The following ERBIN variants were observed in gnomAD, a reference collection of about 807,000 sequenced individuals.
ERBIN encodes the protein erbb2 interacting protein.
In ERBIN, 60 loss-of-function variants were observed where a neutral mutation model predicts 158.4. The observed-to-expected ratio is 0.38, with a 90% confidence interval of 0.31 to 0.47. ERBIN has a LOEUF of 0.47. Among genes scored for constraint, ERBIN ranks in the 20% least tolerant of loss-of-function variants. The probability of loss-of-function intolerance (pLI) is 0.99; values close to 1 mark genes in which losing one functional copy is unlikely to be tolerated. For synonymous variants in ERBIN, 594 were observed against 557.2 expected, an observed-to-expected ratio of 1.07 and a Z score of -0.93; for missense variants, 1,610 against 1,648.0, an observed-to-expected ratio of 0.98 and a Z score of 0.40.
intron 4 of ERBIN, among the ~76,000 whole-genome samples, chr5:66,005,518 C>T (rs1753488251): frequency 6.6e-6 from 1 of 151,810 alleles, no homozygotes; most frequent in Non-Finnish European, 1.5e-5. Flanking sequence ...GCATGATTGT[C>T]AATAAAAAGA....
intron 21 of ERBIN, among the ~76,000 whole-genome samples, chr5:66,057,658 G>A (rs1561438444): frequency 6.6e-6 from 1 of 150,792 alleles, no homozygotes; most frequent in South Asian, 2.1e-4. Flanking sequence ...CCATTAACTC[G>A]TCATTTAGCA....
chr5:66,039,154 A>G (rs139343224), intron 15 of ERBIN, among the ~76,000 whole-genome samples: 62 of 152,078 alleles, frequency 4.1e-4, no homozygotes, highest in African/African-American at 1.3e-3. Context: ...GTACATAGAA[A>G]CACTGAAGAA....
rs187619364 is a variant in ERBIN, at chr5:65,994,904, C to T, written c.307+40C>T. The T allele has an allele frequency of 6.1e-6, 7 of 1,156,040 alleles. No individual in the cohort carries two copies. The African/African-American group carries it at 7.8e-5, about 13-fold the overall frequency. 71.6% of individuals were successfully genotyped at this position (1,156,040 alleles called of 1,614,324 possible). A position where few individuals can be genotyped will look rare whatever the true frequency, so the allele number is the denominator to read the frequency against. On this transcript the variant is annotated intron_variant, in intron 4 of 25. Coordinates refer to ENST00000284037, the MANE Select transcript of ERBIN (RefSeq NM_001253697.2). ...GCCCATAATTTTTTGTACTTGGGAA[C>T]ATGTTTCATTACTAAGATTTCTATT...
chr5:65,944,044 C>T (rs1446862661), intron 1 of ERBIN, among the ~76,000 whole-genome samples: 1 of 152,162 alleles, frequency 6.6e-6, no homozygotes, highest in Non-Finnish European at 1.5e-5. Flanking sequence ...ATCCATTCAT[C>T]TGTGGGTAGA....
In ERBIN at chr5:65,992,919, CT is replaced by C; in HGVS notation, c.189+15del. On this transcript the variant is annotated intron_variant, in intron 3 of 25. Coordinates refer to ENST00000284037, the MANE Select transcript of ERBIN (RefSeq NM_001253697.2). ...AAGAGCTTCCAAAGGTATGCTAATA[CT>C]TTCTTTCAAGAATTATCTTTGGTTA... 1 of 1,523,098 alleles carries C rather than the reference CT, an allele frequency of 6.6e-7. No homozygotes were observed. Among genetic ancestry groups the C allele is most frequent in the Non-Finnish European group, 8.8e-7 (1 of 1,133,258 alleles). The allele number at this position is 1,523,098 out of a possible 1,614,324, so 94.3% of individuals were successfully genotyped here.
chr5:66,049,522 AC>A (rs1292404729), intron 19 of ERBIN, among the ~76,000 whole-genome samples: 1 of 152,058 alleles, frequency 6.6e-6, no homozygotes, highest in Non-Finnish European at 1.5e-5. Context: ...TGTCACAATA[AC>A]CCCCATGATG....
intron 7 of ERBIN, among the ~76,000 whole-genome samples, chr5:66,018,567 T>TTATATATTA (rs370551332): frequency 0.06 from 592 of 9,910 alleles, 220 homozygotes; most frequent in Non-Finnish European, 0.14. Context: ...ATAATATATA[T>TTATATATTA]TATATTATAT....
chr5:65,953,319 T>G (rs1341396278), intron 1 of ERBIN, among the ~76,000 whole-genome samples: 1 of 152,222 alleles, frequency 6.6e-6, no homozygotes, highest in East Asian at 1.9e-4. Flanking sequence ...TTGAGGGCTG[T>G]TTGGGCAGAT....
In ERBIN at chr5:66,034,506, T is replaced by C. The variant is rs530772933; in HGVS notation, c.1207-3877T>C. ...TTCACCATGTTGGCCAGGCTGTTAT[T>C]GAACTCCTGACTTCATGTGATCCAC... is the stretch of plus-strand genomic sequence containing the variant. On this transcript the variant is annotated intron_variant, in intron 14 of 25. Coordinates refer to ENST00000284037, the MANE Select transcript of ERBIN (RefSeq NM_001253697.2). 2.0e-5 allele frequency among the ~76,000 whole-genome samples: 3 copies of C among 152,122 alleles called. No homozygotes were observed. The East Asian group carries it at 5.8e-4, about 29-fold the overall frequency.
intron 1 of ERBIN, among the ~76,000 whole-genome samples, chr5:65,980,675 C>T (rs1000033256): frequency 6.6e-6 from 1 of 151,746 alleles, no homozygotes; most frequent in Admixed American, 6.6e-5. Flanking sequence ...GCTCCTATGA[C>T]TATCGTGACA....
intron 15 of ERBIN, among the ~76,000 whole-genome samples, chr5:66,041,243 T>C (rs1757891352): frequency 6.6e-6 from 1 of 151,940 alleles, no homozygotes; most frequent in Non-Finnish European, 1.5e-5. Context: ...AATTGAGTGA[T>C]TTGGAAGAAC....
intron 4 of ERBIN, among the ~76,000 whole-genome samples, chr5:66,006,530 A>G (rs1580326935): frequency 6.6e-6 from 1 of 152,316 alleles, no homozygotes; most frequent in Middle Eastern, 3.4e-3. Context: ...AACAAAAGCC[A>G]AAATTGACAA....
intron 1 of ERBIN, among the ~76,000 whole-genome samples, chr5:65,951,011 A>G (rs1746439311): frequency 1.3e-5 from 2 of 152,178 alleles, no homozygotes; most frequent in South Asian, 2.1e-4. Context: ...GTGCTGTTAC[A>G]TTAGAAGGTA....
intron 19 of ERBIN, 122 bp from the exon 20 acceptor site, chr5:66,050,661 A>C: frequency 2.0e-6 from 1 of 505,716 alleles, no homozygotes; most frequent in Non-Finnish European, 3.4e-6. Context: ...TCCAATTATC[A>C]ATATAATTTA....
intron 1 of ERBIN, among the ~76,000 whole-genome samples, chr5:65,963,024 A>G (rs1017820018): frequency 2.6e-5 from 4 of 152,206 alleles, no homozygotes. Flanking sequence ...AACAAAATAT[A>G]CATTTGTCTC....
chr5:66,013,603 T>A lies in ERBIN; in HGVS notation c.441T>A (p.Asp147Glu), dbSNP rs757550675. ...ACCTAACCCAGTTGTATCTGAATGATGCTTTTCTTGAGTTCTTGCCAGCAA... is the reference window on the plus strand; with the variant it reads ...ACCTAACCCAGTTGTATCTGAATGAAGCTTTTCTTGAGTTCTTGCCAGCAA... Reference protein sequence around the residue: ...LLNLTQLYLNDAFLEFLPANF... With the variant: ...LLNLTQLYLNEAFLEFLPANF... Residue 147 changes from aspartate to glutamate, a missense_variant, in exon 6 of 26, where the codon GAT becomes GAA. Around this residue, in one of 2 missense-constraint regions of ERBIN, gnomAD observed 596 missense variants for 711.9 expected, o/e 0.84. Coordinates refer to ENST00000284037, the MANE Select transcript of ERBIN (RefSeq NM_001253697.2). 29 of 1,613,506 alleles carry A rather than the reference T, an allele frequency of 1.8e-5. No individual in the cohort carries two copies. Among genetic ancestry groups the A allele is most frequent in the Non-Finnish European group, 2.4e-5 (28 of 1,179,650 alleles).
chr5:66,007,334 A>G (rs7707819), intron 4 of ERBIN, among the ~76,000 whole-genome samples: 5,932 of 151,956 alleles, frequency 0.039, 392 homozygotes, highest in African/African-American at 0.14. Context: ...GTGGGAATTG[A>G]ACAATGAGAA....
chr5:66,013,838 G>GA (rs909223257), intron 6 of ERBIN, among the ~76,000 whole-genome samples, 200 bp downstream of exon 6: 3 of 150,918 alleles, frequency 2.0e-5, no homozygotes, highest in Non-Finnish European at 3.0e-5. Context: ...GAGTTTGAAA[G>GA]AAAAAAAAAG....
intron 1 of ERBIN, among the ~76,000 whole-genome samples, chr5:65,933,319 A>AT (rs1355027756): frequency 1.3e-5 from 2 of 152,224 alleles, no homozygotes; most frequent in Non-Finnish European, 2.9e-5. Context: ...ATTTAAATAT[A>AT]TGTTCCCAGC....
Sources: gnomAD v4.1 joint callset for allele counts (sites outside exome capture counted in the v4.1 genomes callset) on GRCh38, gnomAD v4.1.1 for gene constraint, gnomAD v4.1.1 regional missense constraint, MANE v1.5 for transcripts, NCBI Gene and HGNC (gene_info 2026-07-23, HGNC 2026-07-21) for gene names.